Variants in IL6ST observed in about 807,000 individuals in gnomAD.
IL6ST encodes interleukin 6 cytokine family signal transducer, also known as interleukin-6 receptor subunit beta.
IL6ST carries 24 observed loss-of-function variants against 91.3 expected under a neutral mutation model. The ratio of observed to expected loss-of-function variants is 0.26; its 90% CI spans 0.19 to 0.37. The LOEUF is 0.37. IL6ST is among the 10% of genes least tolerant of loss of function. IL6ST has a pLI of 1.00. For synonymous variants in IL6ST, 351 were observed against 373.6 expected (o/e 0.94, Z 0.70); for missense variants, 914 against 1,078.5 (o/e 0.85, Z 2.14).
rs1028199396 is a variant in IL6ST at position 55,937,827 on chromosome 5, T to G, written c.*3255A>C. 5.1e-6 allele frequency: 1 copy of G among 195,036 alleles called. No individual in the cohort carries two copies. The highest frequency in any genetic ancestry group is 2.3e-5 in the African/African-American group (1 of 43,262). 12.1% of individuals were successfully genotyped at this position (195,036 alleles called of 1,614,324 possible). A position where few individuals can be genotyped will look rare whatever the true frequency, so the allele number is the denominator to read the frequency against. On this transcript the variant is annotated 3_prime_UTR_variant, in exon 17 of 17. Coordinates refer to ENST00000381298, the MANE Select transcript of IL6ST (RefSeq NM_002184.4). ...AAATAAAACTTTATTGAAACAAAAG[T>G]GTATGGTTTAGGAATATGCTCTTAA...
chr5:55,991,155 T>C (rs1754308515), intron 1 of IL6ST, among the ~76,000 whole-genome samples: 1 of 152,228 alleles, frequency 6.6e-6, no homozygotes, highest in African/African-American at 2.4e-5. Context: ...GACATTTGAA[T>C]TGGTTCCAAG....
At chr5:55,950,093 CT>C (rs1751530119) in intron 14 of IL6ST, 3 of 415,932 alleles carry the variant, frequency 7.2e-6, no homozygotes, top group Non-Finnish European at 1.4e-5. Context: ...TGACACTCAG[CT>C]TATGTGAGAG....
chr5:55,992,674 T>C (rs1028419746), intron 1 of IL6ST, among the ~76,000 whole-genome samples: 2 of 152,204 alleles, frequency 1.3e-5, no homozygotes, highest in East Asian at 3.8e-4. Context: ...CTACATTTTG[T>C]CCTCCATTCG....
At chr5:55,961,360 G>C (rs1752305280) in intron 7 of IL6ST, among the ~76,000 whole-genome samples, 1 of 152,142 alleles carries the variant, frequency 6.6e-6, no homozygotes, top group African/African-American at 2.4e-5. Context: ...CTGGGGCTTA[G>C]AGCTGTTTCT....
intron 7 of IL6ST, 59 bp downstream of exon 7, chr5:55,963,293 T>C: frequency 8.1e-7 from 1 of 1,236,824 alleles, no homozygotes; most frequent in Non-Finnish European, 1.1e-6. Context: ...GACTGAAACT[T>C]TTTAAGATTA....
intron 14 of IL6ST, 140 bp downstream of exon 14, chr5:55,951,324 A>G (rs1335120611): frequency 1.5e-6 from 1 of 669,974 alleles, no homozygotes; most frequent in African/African-American, 1.8e-5. Context: ...CTATAAAGAA[A>G]CCACCAACCA....
intron 1 of IL6ST, among the ~76,000 whole-genome samples, chr5:55,985,601 G>C (rs963639007): frequency 6.6e-6 from 1 of 152,006 alleles, no homozygotes; most frequent in Admixed American, 6.5e-5. Context: ...GGTCATTTAG[G>C]TCTCAGTTAT....
chr5:55,969,940 G>A, intron 3 of IL6ST, 85 bp from the exon 4 acceptor site: 1 of 814,142 alleles, frequency 1.2e-6, no homozygotes, highest in Non-Finnish European at 2.0e-6. Flanking sequence ...TCAATGTAGA[G>A]TCCCTCAACC....
At chr5:55,955,076 T>G (rs192941478) in intron 10 of IL6ST, 84 bp from the exon 11 acceptor site, 16 of 963,424 alleles carry the variant, frequency 1.7e-5, no homozygotes, top group Non-Finnish European at 2.5e-5. Context: ...CCAAAACATG[T>G]GATTTATCAA....
chr5:55,986,994 C>T lies in IL6ST; in HGVS notation c.-103-4183G>A, dbSNP rs908000821. Among the ~76,000 whole-genome samples, 5 of 152,258 alleles carry T rather than the reference C, an allele frequency of 3.3e-5. No homozygotes were observed. In the South Asian group the frequency reaches 8.3e-4, roughly 25 times the overall value. On this transcript the variant is annotated intron_variant, in intron 1 of 16. Coordinates refer to ENST00000381298, the MANE Select transcript of IL6ST (RefSeq NM_002184.4). ...AGGTTGGGCAATATAGTAAGACTCT[C>T]GCCTCTACAAAAAATAAAAAGTTAG... is the stretch of plus-strand genomic sequence containing the variant.
At chr5:55,959,119 C>T (rs1752158497) in intron 8 of IL6ST, among the ~76,000 whole-genome samples, 2 of 152,156 alleles carry the variant, frequency 1.3e-5, no homozygotes, top group Non-Finnish European at 2.9e-5. Context: ...AGATTATGTA[C>T]ACTTGTCCAT....
intron 7 of IL6ST, among the ~76,000 whole-genome samples, chr5:55,962,322 T>G (rs2111759409): frequency 6.6e-6 from 1 of 152,346 alleles, no homozygotes; most frequent in Non-Finnish European, 1.5e-5. Flanking sequence ...ACAAGCTCAC[T>G]GTGACCAGAG....
At position 55,936,772 on chromosome 5, in the gene IL6ST, T is replaced by C. The variant is rs989983995; in HGVS notation, c.*4310A>G. 1.0e-5 allele frequency: 2 copies of C among 192,314 alleles called. No homozygotes were observed. The highest frequency in any genetic ancestry group is 4.6e-5 in the African/African-American group (2 of 43,114). The allele number at this position is 192,314 out of a possible 1,614,324, so 11.9% of individuals were successfully genotyped here. On this transcript the variant is annotated 3_prime_UTR_variant, in exon 17 of 17. Coordinates refer to ENST00000381298, the MANE Select transcript of IL6ST (RefSeq NM_002184.4). ...AATAGCTGTGGTTACAATTAGCACA[T>C]GCAATTCACTGCAAAGGTAAAAATA...
Position 55,952,005 on chromosome 5 carries a change from T to A in IL6ST, c.1623A>T (p.Gln541His). The change falls in exon 13 of 17, where the codon CAA becomes CAT. Residue 541 changes from glutamine (Q) to histidine (H), a missense_variant. By Grantham distance (24) the Gln-to-His change is conservative. Transcript: ENST00000381298. ...ATCCATTCTGAACATCAACAGGAAG[T>A]TGGTCCCACTCTAAGACAGCTTCGT... ...GKNEAVLEWDQLPVDVQNGFI... is the reference protein window; with the variant it reads ...GKNEAVLEWDHLPVDVQNGFI... The A allele has an allele frequency of 6.2e-7, 1 of 1,600,102 alleles. No homozygotes were observed.
At chr5:55,979,537 A>C (rs1753520411) in intron 2 of IL6ST, among the ~76,000 whole-genome samples, 1 of 152,182 alleles carries the variant, frequency 6.6e-6, no homozygotes, top group Admixed American at 6.5e-5. Context: ...AAATATAAAA[A>C]CCCAAAAAGT....
At chr5:55,955,874 A>T (rs181374407) in intron 10 of IL6ST, 151 bp downstream of exon 10, 2 of 452,644 alleles carry the variant, frequency 4.4e-6, no homozygotes, top group Non-Finnish European at 7.7e-6. Flanking sequence ...ATCATTATTT[A>T]TAAAATTTAA....
intron 1 of IL6ST, among the ~76,000 whole-genome samples, chr5:55,993,196 T>C (rs866750404): frequency 6.6e-6 from 1 of 152,190 alleles, no homozygotes; most frequent in Non-Finnish European, 1.5e-5. Flanking sequence ...CCTGCCACTG[T>C]AGAGGATTTA....
intron 11 of IL6ST, among the ~76,000 whole-genome samples, chr5:55,953,380 C>G (rs7731414): frequency 0.024 from 3,581 of 152,272 alleles, 62 homozygotes; most frequent in African/African-American, 0.05. Flanking sequence ...AATGTCTCCA[C>G]AACTTATGCT....
intron 9 of IL6ST, 31 bp downstream of exon 9, chr5:55,957,178 T>A: frequency 2.7e-6 from 3 of 1,115,792 alleles, no homozygotes; most frequent in Non-Finnish European, 3.9e-6. Flanking sequence ...AAAAGATTTA[T>A]AAGAGATAAA....
Sources: gnomAD v4.1 joint callset for allele counts (sites outside exome capture counted in the v4.1 genomes callset) on GRCh38, gnomAD v4.1.1 for gene constraint, MANE v1.5 for transcripts, NCBI Gene and HGNC (gene_info 2026-07-23, HGNC 2026-07-21) for gene names.